The following ZCCHC7 variants were observed in gnomAD, a reference collection of about 807,000 sequenced individuals.
ZCCHC7 encodes zinc finger CCHC domain-containing protein 7.
In ZCCHC7, 35 loss-of-function variants were observed where a neutral mutation model predicts 52.0. The observed-to-expected ratio is 0.67, with a 90% confidence interval of 0.51 to 0.89. The LOEUF is 0.89. ZCCHC7 is among the 40% of genes least tolerant of loss of function. ZCCHC7 has a pLI of 0.00. For missense variants in ZCCHC7, 574 were observed against 649.1 expected (o/e 0.88, Z 1.26); for synonymous variants, 217 against 221.5 (o/e 0.98, Z 0.18).
chr9:37,153,408 T>A (rs767339040), intron 2 of ZCCHC7, among the ~76,000 whole-genome samples: 6 of 152,086 alleles, frequency 3.9e-5, no homozygotes, highest in Non-Finnish European at 7.4e-5. Flanking sequence ...CAACCTCAGG[T>A]GATCCGCCAG....
At chr9:37,260,363 G>A (rs750232749) in intron 2 of ZCCHC7, among the ~76,000 whole-genome samples, 13 of 152,186 alleles carry the variant, frequency 8.5e-5, no homozygotes, top group Non-Finnish European at 1.8e-4. Flanking sequence ...TTGGGCCCAG[G>A]CAGCCAGTCC....
At chr9:37,150,973 T>TC (rs200278128) in intron 2 of ZCCHC7, among the ~76,000 whole-genome samples, 1 of 150,018 alleles carries the variant, frequency 6.7e-6, no homozygotes. Context: ...TTTGTTTTTT[T>TC]TTTTTTTTTG....
Position 37,122,512 on chromosome 9 carries a change from T to C in ZCCHC7, c.-22+1889T>C, listed in dbSNP as rs190436935. ...TTTTCCTTACACCTAAAATGTCTCA[T>C]TTAGTTTTTAAACTCTGCTGGGACA... On this transcript the variant is annotated intron_variant, in intron 1 of 8. Coordinates refer to ENST00000336755, the MANE Select transcript of ZCCHC7 (RefSeq NM_032226.3). Among the ~76,000 whole-genome samples the C allele has an allele frequency of 8.5e-4, 129 of 152,364 alleles. 1 individual carries two copies. The highest frequency in any genetic ancestry group is 1.6e-3 in the Admixed American group (25 of 15,308).
chr9:37,282,370 G>A (rs1827998978), intron 2 of ZCCHC7, among the ~76,000 whole-genome samples: 3 of 152,054 alleles, frequency 2.0e-5, no homozygotes, highest in Admixed American at 6.6e-5. Context: ...TTGGGAGGCC[G>A]AGACAGGCGG....
chr9:37,180,066 A>C (rs540985550), intron 2 of ZCCHC7, among the ~76,000 whole-genome samples: 1 of 152,162 alleles, frequency 6.6e-6, no homozygotes, highest in Non-Finnish European at 1.5e-5. Context: ...TTTCCCCTGC[A>C]CTTAGCATAG....
intron 2 of ZCCHC7, among the ~76,000 whole-genome samples, chr9:37,229,054 C>T (rs909451704): frequency 1.3e-5 from 2 of 151,832 alleles, no homozygotes; most frequent in African/African-American, 4.8e-5. Context: ...AGGCTGGTCT[C>T]GAACTCCTGA....
chr9:37,198,339 A>T, intron 2 of ZCCHC7, among the ~76,000 whole-genome samples: 1 of 152,220 alleles, frequency 6.6e-6, no homozygotes, highest in East Asian at 1.9e-4. Flanking sequence ...TTTGTAAACT[A>T]CAGATTTGAT....
chr9:37,301,532 G>A (rs538546610), intron 2 of ZCCHC7, among the ~76,000 whole-genome samples: 5 of 152,214 alleles, frequency 3.3e-5, no homozygotes, highest in African/African-American at 1.2e-4. Context: ...CCTGGGAGGC[G>A]GAGGTTGCAG....
At position 37,173,438 on chromosome 9, in the gene ZCCHC7, C is replaced by A. The variant is rs78866860; in HGVS notation, c.610+46496C>A. 5.5e-4 allele frequency among the ~76,000 whole-genome samples: 83 copies of A among 152,242 alleles called. 1 individual carries two copies. In the East Asian group the frequency reaches 0.015, roughly 27 times the overall value. ...ATATGGGTATGTAATACAGAACAGA[C>A]AAAATAAGGAAAACATTCTTTTCCA... On this transcript the variant is annotated intron_variant, in intron 2 of 8. Coordinates refer to ENST00000336755, the MANE Select transcript of ZCCHC7 (RefSeq NM_032226.3).
chr9:37,311,931 G>A (rs969179162), intron 5 of ZCCHC7, among the ~76,000 whole-genome samples: 3 of 152,150 alleles, frequency 2.0e-5, no homozygotes, highest in African/African-American at 7.2e-5. Context: ...TTTCCAGCAG[G>A]AAATACAAAG....
At chr9:37,300,716 A>G (rs949315769) in intron 2 of ZCCHC7, among the ~76,000 whole-genome samples, 5 of 152,236 alleles carry the variant, frequency 3.3e-5, no homozygotes, top group Non-Finnish European at 5.9e-5. Flanking sequence ...AGAGGAAAGT[A>G]GTAAGGTAGG....
intron 2 of ZCCHC7, among the ~76,000 whole-genome samples, chr9:37,142,620 C>T (rs1370528737): frequency 6.6e-6 from 1 of 151,614 alleles, no homozygotes. Flanking sequence ...GAAAATGTAT[C>T]CTGATAGTCT....
At chr9:37,281,582 A>G (rs1188939056) in intron 2 of ZCCHC7, among the ~76,000 whole-genome samples, 1 of 150,720 alleles carries the variant, frequency 6.6e-6, no homozygotes, top group African/African-American at 2.5e-5. Context: ...CTATAAATAC[A>G]TATTTTATCA....
chr9:37,152,580 G>A (rs994872415), intron 2 of ZCCHC7, among the ~76,000 whole-genome samples: 5 of 152,090 alleles, frequency 3.3e-5, no homozygotes, highest in African/African-American at 1.2e-4. Context: ...TTTGAGGAAT[G>A]TTAGGTATTT....
rs961972279 is a variant in ZCCHC7 at position 37,173,414 on chromosome 9, T to C, written c.610+46472T>C. 6.6e-5 allele frequency among the ~76,000 whole-genome samples: 10 copies of C among 152,344 alleles called. No homozygotes were observed. The East Asian group carries it at 1.2e-3, about 18-fold the overall frequency. The stretch of plus-strand genomic sequence containing the variant: ...TCTTATGCATACTATAAAACTGTTA[T>C]ATGGGTATGTAATACAGAACAGACA... On this transcript the variant is annotated intron_variant, in intron 2 of 8. Transcript: ENST00000336755.
intron 6 of ZCCHC7, among the ~76,000 whole-genome samples, chr9:37,338,129 A>G (rs1424932384): frequency 6.6e-6 from 1 of 152,076 alleles, no homozygotes; most frequent in Non-Finnish European, 1.5e-5. Context: ...GCGTGTGTTC[A>G]TTGTTCTCTG....
intron 2 of ZCCHC7, among the ~76,000 whole-genome samples, chr9:37,172,951 T>C (rs1356310814): frequency 6.4e-5 from 5 of 77,764 alleles, no homozygotes; most frequent in Admixed American, 1.2e-4. Context: ...ATAGGGACTT[T>C]AGTGAGCAAC....
intron 2 of ZCCHC7, among the ~76,000 whole-genome samples, chr9:37,294,857 C>A (rs528483059): frequency 6.6e-6 from 1 of 152,024 alleles, no homozygotes; most frequent in Non-Finnish European, 1.5e-5. Flanking sequence ...ATTGACATAG[C>A]CCTTAATACA....
At position 37,352,511 on chromosome 9, in the gene ZCCHC7, CTTTTT is replaced by C. The variant is rs869266535; in HGVS notation, c.1084-2179_1084-2175del. ...TACCTTTGCATAATCACAATTTGCT[CTTTTT>C]TTTTTTTTTTTTTTTTTTTGAGACA... is the stretch of plus-strand genomic sequence containing the variant. On this transcript the variant is annotated intron_variant, in intron 7 of 8. Transcript: ENST00000336755. 3.7e-3 allele frequency among the ~76,000 whole-genome samples: 303 copies of C among 81,574 alleles called. 2 individuals carry two copies. The highest frequency in any genetic ancestry group is 0.016 in the African/African-American group (291 of 17,970). 53.5% of individuals were successfully genotyped at this position (81,574 alleles called of 152,430 possible). A position where few individuals can be genotyped will look rare whatever the true frequency, so the allele number is the denominator to read the frequency against.
Sources: gnomAD v4.1 joint callset for allele counts (sites outside exome capture counted in the v4.1 genomes callset) on GRCh38, gnomAD v4.1.1 for gene constraint, MANE v1.5 for transcripts, NCBI Gene and HGNC (gene_info 2026-07-23, HGNC 2026-07-21) for gene names.